The following HYDIN variants were observed in gnomAD, a reference collection of about 807,000 sequenced individuals.
HYDIN encodes the protein HYDIN axonemal central pair apparatus protein.
In HYDIN, 132 loss-of-function variants were observed where a neutral mutation model predicts 403.9. That is an observed-to-expected ratio of 0.33 (90% confidence interval 0.28 to 0.38). HYDIN has a LOEUF of 0.38. HYDIN is among the 10% of genes least tolerant of loss of function. The pLI is 1.00. For missense variants in HYDIN, 2,827 were observed against 5,009.5 expected (o/e 0.56, Z 13.15); for synonymous variants, 1,202 against 1,891.7 (o/e 0.64, Z 9.46).
chr16:70,938,273 G>A (rs1410234308), intron 44 of HYDIN, among the ~76,000 whole-genome samples: 4 of 152,358 alleles, frequency 2.6e-5, no homozygotes, highest in Admixed American at 6.5e-5. Flanking sequence ...AGGCTGATAA[G>A]CCACACGCGG....
chr16:70,860,864 G>A lies in HYDIN; in HGVS notation c.11815C>T (p.Leu3939=), dbSNP rs1349191168. 1.5e-6 allele frequency: 1 copy of A among 663,424 alleles called. No homozygotes were observed. The highest frequency in any genetic ancestry group is 2.5e-6 in the Non-Finnish European group (1 of 393,684). 41.1% of individuals were successfully genotyped at this position (663,424 alleles called of 1,614,324 possible). A position where few individuals can be genotyped will look rare whatever the true frequency, so the allele number is the denominator to read the frequency against. ...NLPPGEQGPV[L]VAKGRSTLPI... Reference sequence around the variant, plus strand: ...AAGGTGCTCCGCCCTTTTGCTACCAGGACCGGACCTTGCTCTCCAGGTGGC... The same window carrying A: ...AAGGTGCTCCGCCCTTTTGCTACCAAGACCGGACCTTGCTCTCCAGGTGGC... Residue 3939 remains leucine (L), a synonymous_variant, in exon 70 of 86, where the codon CTG becomes TTG. Transcript: ENST00000393567.
intron 23 of HYDIN, among the ~76,000 whole-genome samples, chr16:71,003,452 C>CTT (rs56328114): frequency 4.2e-5 from 6 of 142,992 alleles, no homozygotes; most frequent in African/African-American, 1.5e-4. Context: ...TTTCTAAGTA[C>CTT]TTTTTTTTTT....
chr16:71,063,342 G>A (rs1245326804), intron 16 of HYDIN, among the ~76,000 whole-genome samples: 5 of 152,178 alleles, frequency 3.3e-5, no homozygotes, highest in African/African-American at 9.7e-5. Flanking sequence ...GCCTGAGGTC[G>A]GACTGATCTC....
intron 35 of HYDIN, among the ~76,000 whole-genome samples, chr16:70,971,207 C>T (rs1014663428): frequency 6.6e-6 from 1 of 152,212 alleles, no homozygotes; most frequent in African/African-American, 2.4e-5. Flanking sequence ...AGTTATTAAG[C>T]AATGACTCTG....
chr16:71,089,301 A>G (rs2083033705), intron 11 of HYDIN, among the ~76,000 whole-genome samples: 1 of 152,010 alleles, frequency 6.6e-6, no homozygotes. Flanking sequence ...CTGTCCCTAC[A>G]ATTCTTGTGC....
chr16:70,986,545 A>C (rs1339860170), intron 27 of HYDIN, among the ~76,000 whole-genome samples: 1 of 152,230 alleles, frequency 6.6e-6, no homozygotes, highest in Non-Finnish European at 1.5e-5. Context: ...CACACAATTC[A>C]GTAATGATAC....
At chr16:70,949,936 T>C (rs1259163267) in intron 41 of HYDIN, among the ~76,000 whole-genome samples, 1 of 152,204 alleles carries the variant, frequency 6.6e-6, no homozygotes, top group African/African-American at 2.4e-5. Context: ...ACACCCTATA[T>C]GGTAACAGAG....
At chr16:71,082,229 T>C (rs900188548) in intron 12 of HYDIN, among the ~76,000 whole-genome samples, 19 of 152,290 alleles carry the variant, frequency 1.2e-4, no homozygotes, top group Admixed American at 1.2e-3. Flanking sequence ...TGTGTGGAGC[T>C]GAGAACAGAT....
chr16:71,186,119 GAAT>G (rs79291986), intron 2 of HYDIN, among the ~76,000 whole-genome samples: 25,903 of 151,896 alleles, frequency 0.17, 2,804 homozygotes, highest in Middle Eastern at 0.32. Flanking sequence ...TCACAAAAGA[GAAT>G]AATGATTGAT....
At chr16:71,157,144 T>A (rs8058878) in intron 6 of HYDIN, among the ~76,000 whole-genome samples, 2 of 151,764 alleles carry the variant, frequency 1.3e-5, no homozygotes, top group African/African-American at 4.9e-5. Flanking sequence ...ATCCTTCCAT[T>A]TGAGAAGCTC....
chr16:71,068,939 T>A lies in HYDIN; in HGVS notation c.1974+328A>T, dbSNP rs1228431270. 2.6e-5 allele frequency among the ~76,000 whole-genome samples: 4 copies of A among 152,048 alleles called. No homozygotes were observed. The South Asian group carries it at 8.3e-4, about 32-fold the overall frequency. ...AGTCTGAAGGAAAGATAAACCTAAG[T>A]ATCAATAAGTTGTGAAATCTGTTTA... On this transcript the variant is annotated intron_variant, in intron 14 of 85. Transcript: ENST00000393567.
intron 45 of HYDIN, among the ~76,000 whole-genome samples, chr16:70,926,610 A>G (rs991371978): frequency 6.6e-6 from 1 of 151,900 alleles, no homozygotes; most frequent in African/African-American, 2.4e-5. Flanking sequence ...TTAAAGTATA[A>G]TAATAAAAAA....
At chr16:70,989,733 T>A (rs1202198622) in intron 25 of HYDIN, among the ~76,000 whole-genome samples, 1 of 152,214 alleles carries the variant, frequency 6.6e-6, no homozygotes, top group Non-Finnish European at 1.5e-5. Flanking sequence ...TCCCTACAGT[T>A]CTCCGGTTCT....
chr16:70,855,463 C>T (rs1475230086), intron 72 of HYDIN, among the ~76,000 whole-genome samples, 188 bp from the exon 73 acceptor site: 14 of 152,396 alleles, frequency 9.2e-5, no homozygotes, highest in African/African-American at 3.1e-4. Context: ...TGTCTTTCTT[C>T]ATCAGTTGCC....
At chr16:70,908,922 C>T in intron 47 of HYDIN, 61 bp from the exon 48 acceptor site, 1 of 1,590,564 alleles carries the variant, frequency 6.3e-7, no homozygotes, top group Non-Finnish European at 8.5e-7. Context: ...AAACAGAAGA[C>T]AGAGATGGCC....
chr16:71,119,051 A>G (rs1400062917), intron 9 of HYDIN, among the ~76,000 whole-genome samples: 4 of 152,116 alleles, frequency 2.6e-5, no homozygotes, highest in African/African-American at 9.7e-5. Context: ...AACTGTAGGA[A>G]GTGGCCCCCA....
In HYDIN at chr16:70,975,185, G is replaced by A; in HGVS notation, c.4723C>T (p.Pro1575Ser). 1.8e-6 allele frequency: 1 copy of A among 552,226 alleles called. No homozygotes were observed. Among genetic ancestry groups the A allele is most frequent in the Non-Finnish European group, 3.2e-6 (1 of 316,918 alleles). The allele number at this position is 552,226 out of a possible 1,614,324, so 34.2% of individuals were successfully genotyped here. Reference sequence around the variant, plus strand: ...TGGCTGAAGCAGGGGTCATCCATAGGATCAGGGGTGGTTGTTTTCTGATGT... The same window carrying A: ...TGGCTGAAGCAGGGGTCATCCATAGAATCAGGGGTGGTTGTTTTCTGATGT... ...LEHQKTTTPD[P>S]MDDPCFSHRS... The change falls in exon 31 of 86, where the codon CCT becomes TCT. Residue 1575 changes from proline (P) to serine (S), a missense_variant. Pro to Ser is a moderately conservative substitution (Grantham distance 74). Transcript: ENST00000393567.
At chr16:70,970,448 T>C (rs1287165616) in intron 36 of HYDIN, 72 bp downstream of exon 36, 6 of 1,477,172 alleles carry the variant, frequency 4.1e-6, no homozygotes, top group Middle Eastern at 2.4e-4. Context: ...AATCACTAAA[T>C]TGACAAGGAA....
At chr16:71,178,664 T>C (rs939592113) in intron 4 of HYDIN, among the ~76,000 whole-genome samples, 1 of 152,034 alleles carries the variant, frequency 6.6e-6, no homozygotes, top group Non-Finnish European at 1.5e-5. Flanking sequence ...GTGACATTCA[T>C]CTGGTCAATC....
Sources: gnomAD v4.1 joint callset for allele counts (sites outside exome capture counted in the v4.1 genomes callset) on GRCh38, gnomAD v4.1.1 for gene constraint, MANE v1.5 for transcripts, NCBI Gene and HGNC (gene_info 2026-07-23, HGNC 2026-07-21) for gene names.